The following SLC45A4 variants were observed in gnomAD, a reference collection of about 807,000 sequenced individuals.
SLC45A4 encodes the protein solute carrier family 45 member 4.
SLC45A4 carries 32 observed loss-of-function variants against 63.7 expected under a neutral mutation model. The ratio of observed to expected loss-of-function variants is 0.50; its 90% CI spans 0.38 to 0.67. The LOEUF is 0.67. Among genes scored for constraint, SLC45A4 ranks in the 30% least tolerant of loss-of-function variants. The pLI is 0.00. For synonymous variants in SLC45A4, 535 were observed against 510.0 expected (o/e 1.05, Z -0.66); for missense variants, 1,027 against 1,157.7 (o/e 0.89, Z 1.64).
At chr8:141,283,870 A>C (rs1287812470) in intron 1 of SLC45A4, among the ~76,000 whole-genome samples, 5 of 152,170 alleles carry the variant, frequency 3.3e-5, no homozygotes, top group Admixed American at 6.5e-5. Context: ...GTTACAAAGC[A>C]CTTAGGGACA....
chr8:141,307,443 C>T (rs1348856373), intron 1 of SLC45A4, among the ~76,000 whole-genome samples: 1 of 151,948 alleles, frequency 6.6e-6, no homozygotes, highest in African/African-American at 2.4e-5. Context: ...TCTGGCGGTG[C>T]AGGCTGGGGG....
At chr8:141,242,949 G>A (rs899193518) in intron 2 of SLC45A4, among the ~76,000 whole-genome samples, 3 of 152,224 alleles carry the variant, frequency 2.0e-5, no homozygotes, top group East Asian at 1.9e-4. Context: ...AAGCCAGCCC[G>A]TGTGCAGCGG....
At position 141,221,570 on chromosome 8, in the gene SLC45A4, A is replaced by C; in HGVS notation, c.430+7T>G. The C allele has an allele frequency of 6.2e-7, 1 of 1,610,790 alleles. No homozygotes were observed. The highest frequency in any genetic ancestry group is 8.5e-7 in the Non-Finnish European group (1 of 1,178,826). On this transcript the variant is annotated splice_region_variant and intron_variant, in intron 3 of 8. Transcript: ENST00000517878. ...GTGAGGACACCAGGTGTGGCCGAGA[A>C]ACTTACCGATGGCAGAGCCGTTAAG...
intron 8 of SLC45A4, 55 bp downstream of exon 8, chr8:141,212,142 G>GCACGGCCCCCCCC: frequency 2.0e-6 from 1 of 491,698 alleles, no homozygotes; most frequent in South Asian, 8.1e-5. Context: ...CCCGCCGCCC[G>GCACGGCCCCCCCC]CCCGCCCGCC....
In SLC45A4 at chr8:141,219,767, C is replaced by G. The variant is rs1826471525; in HGVS notation, c.493G>C (p.Val165Leu). ...TCGGCGCTGAAGTCCAGGACCACCA[C>G]TCCCAGCACCGTGAGCACGATGCCA... ...PIGIVLTVLGVVVLDFSADAT... is the reference protein window; with the variant it reads ...PIGIVLTVLGLVVLDFSADAT... Residue 165 changes from valine (V) to leucine (L), a missense_variant, in exon 4 of 9, where the codon GTG (valine) becomes CTG (leucine). Physicochemically the swap from Val to Leu is conservative, Grantham distance 32 (BLOSUM62 1). Coordinates refer to ENST00000517878, the MANE Select transcript of SLC45A4 (RefSeq NM_001286646.2). 1.9e-6 allele frequency: 3 copies of G among 1,600,328 alleles called. No homozygotes were observed. The South Asian group carries it at 3.4e-5, about 18-fold the overall frequency.
intron 1 of SLC45A4, among the ~76,000 whole-genome samples, chr8:141,299,702 TTGCATACTGAAGTAAAGCC>T (rs1830682447): frequency 6.6e-6 from 1 of 152,222 alleles, no homozygotes; most frequent in African/African-American, 2.4e-5. Context: ...GGGAGCGGAT[TTGCATACTGAAGTAAAGCC>T]TCAGGTTAGG....
intron 2 of SLC45A4, chr8:141,224,842 T>C (rs1826876877): frequency 6.6e-6 from 1 of 152,314 alleles, no homozygotes; most frequent in African/African-American, 2.4e-5. Flanking sequence ...CTCTGTTTCC[T>C]GGAGCATTCT....
At chr8:141,228,070 G>C in intron 2 of SLC45A4, 1 of 1,336,450 alleles carries the variant, frequency 7.5e-7, no homozygotes. Context: ...CCTGAGGGGA[G>C]AGCTGTGTGG....
chr8:141,293,108 G>T (rs529701474), intron 1 of SLC45A4, among the ~76,000 whole-genome samples: 1 of 152,162 alleles, frequency 6.6e-6, no homozygotes, highest in Non-Finnish European at 1.5e-5. Context: ...CGTAATGCAC[G>T]CCAGCAGTTC....
At chr8:141,235,772 A>G (rs1457362607) in intron 2 of SLC45A4, among the ~76,000 whole-genome samples, 1 of 152,200 alleles carries the variant, frequency 6.6e-6, no homozygotes, top group East Asian at 1.9e-4. Context: ...GTGCATGTTC[A>G]AAAAGTTAAA....
intron 1 of SLC45A4, among the ~76,000 whole-genome samples, chr8:141,284,546 C>T (rs989957814): frequency 8.5e-5 from 13 of 152,306 alleles, no homozygotes; most frequent in Admixed American, 7.2e-4. Context: ...CCTTATTTGC[C>T]ACTCTGAAAA....
At position 141,218,235 on chromosome 8, in the gene SLC45A4, G is replaced by A. The variant is rs746845858; in HGVS notation, c.1405C>T (p.Arg469Trp). 8 of 1,601,764 alleles carry A rather than the reference G, an allele frequency of 5.0e-6. No individual in the cohort carries two copies. The highest frequency in any genetic ancestry group is 1.1e-5 in the South Asian group (1 of 91,048). The change falls in exon 5 of 9, where the codon CGG (arginine) becomes TGG (tryptophan). Residue 469 changes from arginine to tryptophan, a missense_variant. Physicochemically the swap from Arg to Trp is moderately radical, Grantham distance 101. Coordinates refer to ENST00000517878, the MANE Select transcript of SLC45A4 (RefSeq NM_001286646.2). ...GTGGCCCCGCTCTGGTTCCGGTGCC[G>A]GTGCTGCCGCTGCCGCTTCTGCATG... ...YDMQKRQRQHRHRNQSGATTS... is the reference protein window; with the variant it reads ...YDMQKRQRQHWHRNQSGATTS...
At position 141,232,958 on chromosome 8, in the gene SLC45A4, C is replaced by T. The variant is rs542069052; in HGVS notation, c.242-11193G>A. On this transcript the variant is annotated intron_variant, in intron 2 of 8. Coordinates refer to ENST00000517878, the MANE Select transcript of SLC45A4 (RefSeq NM_001286646.2). ...GCCCAATCTCAAGCTGCTGAGGTGA[C>T]GTCGCTGAACAGGAGTGGAGAGGAG... is the stretch of plus-strand genomic sequence containing the variant. 3.9e-5 allele frequency among the ~76,000 whole-genome samples: 6 copies of T among 152,332 alleles called. No individual in the cohort carries two copies. The South Asian group carries it at 8.3e-4, about 21-fold the overall frequency.
At position 141,218,414 on chromosome 8, in the gene SLC45A4, G is replaced by A. The variant is rs61995888; in HGVS notation, c.1226C>T (p.Ser409Leu). Residue 409 changes from serine to leucine, a missense_variant, in exon 5 of 9, where the codon TCG becomes TTG. Transcript: ENST00000517878. Reference sequence around the variant, plus strand: ...GTGCCGCCGCCGCCGCATGGAGCTCGACGTGGCCGAGGGCTTCGTGTCCAC... The same window carrying A: ...GTGCCGCCGCCGCCGCATGGAGCTCAACGTGGCCGAGGGCTTCGTGTCCAC... ...TRVDTKPSAT[S>L]SSMRRRRHAF... The A allele has an allele frequency of 4.8e-4, 771 of 1,610,862 alleles. 4 individuals are homozygous for A. In the African/African-American group the frequency reaches 9.3e-3, roughly 19 times the overall value.
chr8:141,215,669 T>C lies in SLC45A4; in HGVS notation c.1941+90A>G. 7.3e-7 allele frequency: 1 copy of C among 1,363,846 alleles called. No individual in the cohort carries two copies. Among genetic ancestry groups the C allele is most frequent in the Non-Finnish European group, 1.0e-6 (1 of 975,612 alleles). The allele number at this position is 1,363,846 out of a possible 1,614,324, so 84.5% of individuals were successfully genotyped here. A position where few individuals can be genotyped will look rare whatever the true frequency, so the allele number is the denominator to read the frequency against. ...AGGAGGGCCATCTGTGTCGTGAACGTCCCCCCGGGGAAGCACAGGGCTCTG... is the reference window on the plus strand; with the variant it reads ...AGGAGGGCCATCTGTGTCGTGAACGCCCCCCCGGGGAAGCACAGGGCTCTG... On this transcript the variant is annotated intron_variant, in intron 7 of 8. Transcript: ENST00000517878. The surrounding 1 kb of genome is among the most constrained non-coding windows in gnomAD (Gnocchi z 4.3).
intron 1 of SLC45A4, among the ~76,000 whole-genome samples, chr8:141,255,155 C>T (rs779173273): frequency 7.9e-5 from 12 of 152,144 alleles, no homozygotes; most frequent in Non-Finnish European, 1.3e-4. Flanking sequence ...TGCGGTCACA[C>T]GACCATGGCT....
chr8:141,271,379 G>A (rs1829514059), intron 1 of SLC45A4, among the ~76,000 whole-genome samples: 1 of 152,218 alleles, frequency 6.6e-6, no homozygotes, highest in Non-Finnish European at 1.5e-5. Flanking sequence ...GCAAACCTCA[G>A]ACTTGCCAAC....
chr8:141,215,743 G>A lies in SLC45A4; in HGVS notation c.1941+16C>T. 1.2e-6 allele frequency: 2 copies of A among 1,611,292 alleles called. No individual in the cohort carries two copies. Among genetic ancestry groups the A allele is most frequent in the Non-Finnish European group, 1.7e-6 (2 of 1,179,762 alleles). On this transcript the variant is annotated intron_variant, in intron 7 of 8. Coordinates refer to ENST00000517878, the MANE Select transcript of SLC45A4 (RefSeq NM_001286646.2). The surrounding 1 kb of genome is among the most constrained non-coding windows in gnomAD (Gnocchi z 4.3). ...AGGAGGCTGGAGCGCAGATCTCAGG[G>A]CTACGGTGGACGCACCTGCTTGATG...
intron 1 of SLC45A4, among the ~76,000 whole-genome samples, chr8:141,274,794 G>T (rs547280416): frequency 1.3e-5 from 2 of 152,172 alleles, no homozygotes; most frequent in African/African-American, 4.8e-5. Context: ...CTAAAAACAT[G>T]GGCTAAGGTG....
Sources: gnomAD v4.1 joint callset for allele counts (sites outside exome capture counted in the v4.1 genomes callset) on GRCh38, gnomAD v4.1.1 for gene constraint, Gnocchi (gnomAD v3.1) non-coding constraint, MANE v1.5 for transcripts, NCBI Gene and HGNC (gene_info 2026-07-23, HGNC 2026-07-21) for gene names.